Variants in ARHGAP22 observed in about 807,000 individuals in gnomAD.
ARHGAP22 encodes rho GTPase-activating protein 22.
Under a neutral mutation model 59.1 loss-of-function variants are expected in ARHGAP22, and 48 were observed. The ratio of observed to expected loss-of-function variants is 0.81; its 90% CI spans 0.64 to 1.03. ARHGAP22 has a LOEUF of 1.03. Among genes scored for constraint, ARHGAP22 ranks in the 50% least tolerant of loss-of-function variants. The probability of loss-of-function intolerance (pLI) is 0.00; values close to 1 mark genes in which losing one functional copy is unlikely to be tolerated. For missense variants in ARHGAP22, 1,015 were observed against 958.7 expected, an observed-to-expected ratio of 1.06 and a Z score of -0.78; for synonymous variants, 445 against 416.4, an observed-to-expected ratio of 1.07 and a Z score of -0.84.
chr10:48,652,168 T>C (rs957457980), intron 1 of ARHGAP22: 3 of 1,443,300 alleles, frequency 2.1e-6, no homozygotes, highest in East Asian at 2.5e-5. Flanking sequence ...GGGGACCCCA[T>C]CCCTCAAGCA....
chr10:48,536,858 AT>A (rs2055406202), intron 3 of ARHGAP22, among the ~76,000 whole-genome samples: 1 of 152,138 alleles, frequency 6.6e-6, no homozygotes, highest in South Asian at 2.1e-4. Context: ...TATTTGTCTC[AT>A]TCCTTTCAGA....
At position 48,463,800 on chromosome 10, in the gene ARHGAP22, T is replaced by C. The variant is rs553592292; in HGVS notation, c.452-3909A>G. Among the ~76,000 whole-genome samples the C allele has an allele frequency of 4.6e-5, 7 of 152,268 alleles. No individual in the cohort carries two copies. In the East Asian group the frequency reaches 1.4e-3, roughly 29 times the overall value. On this transcript the variant is annotated intron_variant, in intron 4 of 9. Coordinates refer to ENST00000249601, the MANE Select transcript of ARHGAP22 (RefSeq NM_021226.4). ...GGTTGCTGAACTGCCCAGAGCCACA[T>C]GCTGGGCTTGCAGCAGAGGCCAAGG...
intron 1 of ARHGAP22, among the ~76,000 whole-genome samples, chr10:48,602,686 TATA>T (rs1779322394): frequency 6.6e-6 from 1 of 151,988 alleles, no homozygotes; most frequent in Non-Finnish European, 1.5e-5. Context: ...GCATTGGGGG[TATA>T]ATGATGTCCC....
chr10:48,465,154 TC>T (rs2047526042), intron 4 of ARHGAP22, among the ~76,000 whole-genome samples: 1 of 152,148 alleles, frequency 6.6e-6, no homozygotes, highest in Non-Finnish European at 1.5e-5. Flanking sequence ...AAAAACTAGT[TC>T]CAGTAGGTTT....
intron 1 of ARHGAP22, among the ~76,000 whole-genome samples, chr10:48,620,770 A>G (rs1304687264): frequency 6.6e-6 from 1 of 152,138 alleles, no homozygotes; most frequent in East Asian, 1.9e-4. Flanking sequence ...GTAGGGAGCC[A>G]CCCCTCTGCC....
chr10:48,472,607 C>T (rs1319221971), intron 4 of ARHGAP22, among the ~76,000 whole-genome samples: 1 of 152,200 alleles, frequency 6.6e-6, no homozygotes, highest in Non-Finnish European at 1.5e-5. Flanking sequence ...CCTCTACCTT[C>T]TGGCCACTCC....
chr10:48,501,422 C>T (rs1378940831), intron 3 of ARHGAP22, among the ~76,000 whole-genome samples: 12 of 152,266 alleles, frequency 7.9e-5, no homozygotes, highest in Admixed American at 7.8e-4. Context: ...GCCCCTGAGG[C>T]CTCCCCATGG....
chr10:48,464,420 A>G (rs2047449223), intron 4 of ARHGAP22, among the ~76,000 whole-genome samples: 1 of 152,254 alleles, frequency 6.6e-6, no homozygotes, highest in African/African-American at 2.4e-5. Context: ...GGAAAGGGAC[A>G]TCCACAGGGT....
chr10:48,572,140 T>C (rs2058433620), intron 2 of ARHGAP22, among the ~76,000 whole-genome samples: 1 of 152,098 alleles, frequency 6.6e-6, no homozygotes, highest in Non-Finnish European at 1.5e-5. Context: ...CAACTGACTT[T>C]ATGGCAATAA....
chr10:48,584,543 G>C (rs7079676), intron 1 of ARHGAP22, among the ~76,000 whole-genome samples: 1 of 152,194 alleles, frequency 6.6e-6, no homozygotes, highest in Non-Finnish European at 1.5e-5. Context: ...TGAAGGGTGG[G>C]GACTGGAGGA....
intron 3 of ARHGAP22, among the ~76,000 whole-genome samples, chr10:48,494,119 C>T (rs1190727302): frequency 6.6e-6 from 1 of 152,206 alleles, no homozygotes; most frequent in Non-Finnish European, 1.5e-5. Flanking sequence ...ACGGCACCTG[C>T]ACGTGGTACT....
intron 3 of ARHGAP22, among the ~76,000 whole-genome samples, chr10:48,552,255 A>G (rs1279717898): frequency 1.3e-5 from 2 of 152,208 alleles, no homozygotes; most frequent in Non-Finnish European, 2.9e-5. Flanking sequence ...TTGTGGTGTG[A>G]CCAGTACCAC....
At chr10:48,454,967 C>T (rs745354859) in intron 6 of ARHGAP22, 35 bp downstream of exon 6, 2 of 1,540,436 alleles carry the variant, frequency 1.3e-6, no homozygotes, top group African/African-American at 2.7e-5. Context: ...CCCAGCCAGC[C>T]CATCTCCCAG....
At chr10:48,569,957 G>A (rs1356678359) in intron 2 of ARHGAP22, among the ~76,000 whole-genome samples, 1 of 152,190 alleles carries the variant, frequency 6.6e-6, no homozygotes, top group African/African-American at 2.4e-5. Flanking sequence ...TGTCATTTCA[G>A]GGGCCTGCTC....
chr10:48,559,627 C>T (rs1027755231), intron 2 of ARHGAP22, among the ~76,000 whole-genome samples: 1 of 152,150 alleles, frequency 6.6e-6, no homozygotes, highest in Non-Finnish European at 1.5e-5. Flanking sequence ...TGCTGATTGT[C>T]CTTTTAAATG....
At chr10:48,549,011 G>T (rs567447217) in intron 3 of ARHGAP22, among the ~76,000 whole-genome samples, 3 of 152,218 alleles carry the variant, frequency 2.0e-5, no homozygotes. Context: ...GGCCTTGCCT[G>T]TTAGATGGGT....
At chr10:48,527,490 T>TGCATGGA (rs2054438439) in intron 3 of ARHGAP22, among the ~76,000 whole-genome samples, 3 of 110,430 alleles carry the variant, frequency 2.7e-5, no homozygotes. Context: ...GATGGATGGT[T>TGCATGGA]GGTTGGATGG....
At chr10:48,475,485 T>C (rs60983468) in intron 4 of ARHGAP22, among the ~76,000 whole-genome samples, 3,695 of 152,250 alleles carry the variant, frequency 0.024, 146 homozygotes, top group South Asian at 0.11. Flanking sequence ...TAGGCCCATA[T>C]CTTCCTTCCA....
At position 48,604,929 on chromosome 10, in the gene ARHGAP22, A is replaced by G; in HGVS notation, c.-133T>C. 1 of 1,557,434 alleles carries G rather than the reference A, an allele frequency of 6.4e-7. No homozygotes were observed. The highest frequency in any genetic ancestry group is 2.4e-5 in the East Asian group (1 of 41,658). ...CCCGTGGCCGCTGGCGTCACCCGTCAGGCTCCCTCGGCTACCTCTCCTGGC... is the reference window on the plus strand; with the variant it reads ...CCCGTGGCCGCTGGCGTCACCCGTCGGGCTCCCTCGGCTACCTCTCCTGGC... On this transcript the variant is annotated 5_prime_UTR_variant, in exon 1 of 10. The change abolishes the stop of an existing upstream ORF in the 5' untranslated region. Coordinates refer to ENST00000249601, the MANE Select transcript of ARHGAP22 (RefSeq NM_021226.4).
Sources: allele counts gnomAD v4.1 joint callset (sites outside exome capture counted in the v4.1 genomes callset), GRCh38; gene constraint gnomAD v4.1.1; transcripts MANE v1.5; gene names NCBI Gene and HGNC (gene_info 2026-07-23, HGNC 2026-07-21).